PRDM16: variants seen among roughly 807,000 people sequenced by gnomAD.
The protein encoded by PRDM16 is histone-lysine N-methyltransferase PRDM16.
PRDM16 carries 23 observed loss-of-function variants against 110.6 expected under a neutral mutation model. The ratio of observed to expected loss-of-function variants is 0.21; its 90% CI spans 0.15 to 0.29. PRDM16 has a LOEUF of 0.29. PRDM16 is among the 10% of genes least tolerant of loss of function. The pLI, the probability that PRDM16 is intolerant of heterozygous loss-of-function variation, is 1.00. For missense variants in PRDM16, 1,615 were observed against 1,794.3 expected (o/e 0.90, Z 1.81); for synonymous variants, 799 against 781.8 (o/e 1.02, Z -0.37).
At position 3,081,819 on chromosome 1, in the gene PRDM16, C is replaced by T. The variant is rs1355011002; in HGVS notation, c.37+12523C>T. On this transcript the variant is annotated intron_variant, in intron 1 of 16. Coordinates refer to ENST00000270722, the MANE Select transcript of PRDM16 (RefSeq NM_022114.4). This position sits in a 1 kb window ranked among gnomAD's most constrained non-coding sequence, Gnocchi z 4.6. The stretch of plus-strand genomic sequence containing the variant: ...GCAGCAGGGCAGCAAGGGAGACCAC[C>T]TCCTTGCTGCCCTGACTAAACACCA... Among the ~76,000 whole-genome samples, 3 of 152,026 alleles carry T rather than the reference C, an allele frequency of 2.0e-5. No individual in the cohort carries two copies. Among genetic ancestry groups the T allele is most frequent in the African/African-American group, 4.8e-5 (2 of 41,416 alleles).
At chr1:3,314,762 C>T (rs974159223) in intron 3 of PRDM16, among the ~76,000 whole-genome samples, 1 of 152,094 alleles carries the variant, frequency 6.6e-6, no homozygotes, top group Non-Finnish European at 1.5e-5. Context: ...TCAGTTGCTT[C>T]GTTTTTTGCA....
At chr1:3,144,940 C>T (rs968286969) in intron 1 of PRDM16, among the ~76,000 whole-genome samples, 1 of 152,164 alleles carries the variant, frequency 6.6e-6, no homozygotes, top group Non-Finnish European at 1.5e-5. Flanking sequence ...CCCAGTGAAC[C>T]CCCAGGGCCT....
chr1:3,361,481 G>A (rs528713179), intron 3 of PRDM16, among the ~76,000 whole-genome samples: 3 of 152,364 alleles, frequency 2.0e-5, no homozygotes, highest in African/African-American at 7.2e-5. Context: ...GAAAGGAAAA[G>A]GCTACAAAGA....
Position 3,358,062 on chromosome 1 carries a change from G to T in PRDM16, c.439-27090G>T, listed in dbSNP as rs1219026174. ...TTGACCACTGAAGGAGGCTGCCCTGGCTAACGGCGGTGCCCAGTGGCCTGG... is the reference window on the plus strand; with the variant it reads ...TTGACCACTGAAGGAGGCTGCCCTGTCTAACGGCGGTGCCCAGTGGCCTGG... On this transcript the variant is annotated intron_variant, in intron 3 of 16. Coordinates refer to ENST00000270722, the MANE Select transcript of PRDM16 (RefSeq NM_022114.4). The surrounding 1 kb of genome is among the most constrained non-coding windows in gnomAD (Gnocchi z 4.0). Among the ~76,000 whole-genome samples, 4 of 152,248 alleles carry T rather than the reference G, an allele frequency of 2.6e-5. No homozygotes were observed. Among genetic ancestry groups the T allele is most frequent in the East Asian group, 1.9e-4 (1 of 5,192 alleles).
chr1:3,199,743 C>T (rs980672135), intron 2 of PRDM16, among the ~76,000 whole-genome samples: 19 of 152,334 alleles, frequency 1.2e-4, no homozygotes, highest in Middle Eastern at 3.4e-3. Flanking sequence ...CAGCTGCACT[C>T]GAGCCCCAAG....
At chr1:3,340,410 G>A (rs923540476) in intron 3 of PRDM16, among the ~76,000 whole-genome samples, 1 of 152,206 alleles carries the variant, frequency 6.6e-6, no homozygotes, top group African/African-American at 2.4e-5. Context: ...CAGAGGTGCT[G>A]CAAAACGCCA....
At chr1:3,336,446 G>A (rs904827375) in intron 3 of PRDM16, among the ~76,000 whole-genome samples, 1 of 152,138 alleles carries the variant, frequency 6.6e-6, no homozygotes, top group Non-Finnish European at 1.5e-5. Flanking sequence ...GCACATGTGT[G>A]TTGGAGTGAG....
chr1:3,317,223 G>C (rs548532662), intron 3 of PRDM16, among the ~76,000 whole-genome samples: 114 of 152,274 alleles, frequency 7.5e-4, no homozygotes, highest in Non-Finnish European at 1.3e-3. Flanking sequence ...AGGGATGTTT[G>C]CATCTTTGCT....
At chr1:3,399,268 G>A (rs12737284) in intron 5 of PRDM16, among the ~76,000 whole-genome samples, 45,641 of 152,164 alleles carry the variant, frequency 0.3, 7,327 homozygotes, top group Non-Finnish European at 0.35. Context: ...AGGACAGAGC[G>A]CATGAGCCAG....
chr1:3,215,903 T>C lies in PRDM16; in HGVS notation c.388-28184T>C, dbSNP rs548982130. 2.0e-5 allele frequency among the ~76,000 whole-genome samples: 3 copies of C among 152,096 alleles called. No homozygotes were observed. In the East Asian group the frequency reaches 5.8e-4, roughly 29 times the overall value. On this transcript the variant is annotated intron_variant, in intron 2 of 16. Coordinates refer to ENST00000270722, the MANE Select transcript of PRDM16 (RefSeq NM_022114.4). Reference sequence around the variant, plus strand: ...CCATTGTTCCCGGGGCCGATTCAGATGGCAAGAAAACAGCCTATGCAGCAC... The same window carrying C: ...CCATTGTTCCCGGGGCCGATTCAGACGGCAAGAAAACAGCCTATGCAGCAC...
chr1:3,259,948 C>G (rs952655226), intron 3 of PRDM16, among the ~76,000 whole-genome samples: 11 of 152,136 alleles, frequency 7.2e-5, no homozygotes, highest in Admixed American at 6.5e-5. Context: ...CTGTGGCCCT[C>G]AAACTCTCCC....
chr1:3,308,661 C>T (rs1641369466), intron 3 of PRDM16: 1 of 152,280 alleles, frequency 6.6e-6, no homozygotes, highest in Non-Finnish European at 1.5e-5. Flanking sequence ...GCTTGCAAGC[C>T]TCCAGCCTGA....
At chr1:3,256,836 G>T (rs570231363) in intron 3 of PRDM16, among the ~76,000 whole-genome samples, 1 of 151,306 alleles carries the variant, frequency 6.6e-6, no homozygotes, top group Non-Finnish European at 1.5e-5. Flanking sequence ...CAGCCTGGGC[G>T]ACAGAGTGCG....
intron 1 of PRDM16, among the ~76,000 whole-genome samples, chr1:3,139,262 G>A (rs957473967): frequency 1.3e-5 from 2 of 152,308 alleles, no homozygotes; most frequent in Admixed American, 1.3e-4. Context: ...AACACGGCAC[G>A]CAGAGATTCT....
chr1:3,428,626 G>A (rs1638684895), intron 14 of PRDM16, among the ~76,000 whole-genome samples: 1 of 152,340 alleles, frequency 6.6e-6, no homozygotes, highest in African/African-American at 2.4e-5. Context: ...GCCAGTCCCT[G>A]GGGTGGCGGG....
chr1:3,347,555 G>T (rs914403660), intron 3 of PRDM16, among the ~76,000 whole-genome samples: 1 of 152,242 alleles, frequency 6.6e-6, no homozygotes, highest in African/African-American at 2.4e-5. Context: ...AGGCAGTCAG[G>T]GGGTGGGGGT....
chr1:3,169,427 AG>A (rs1569747231), intron 1 of PRDM16, among the ~76,000 whole-genome samples: 1 of 152,070 alleles, frequency 6.6e-6, no homozygotes, highest in Admixed American at 6.5e-5. Context: ...GATACCACAC[AG>A]GGGTGGGAGT....
At chr1:3,235,700 A>G (rs1435511114) in intron 2 of PRDM16, among the ~76,000 whole-genome samples, 7 of 152,014 alleles carry the variant, frequency 4.6e-5, no homozygotes, top group African/African-American at 1.4e-4. Context: ...TCCGCCTGAC[A>G]TGGGGGAAAG....
intron 1 of PRDM16, among the ~76,000 whole-genome samples, chr1:3,138,780 C>T (rs899128174): frequency 2.6e-5 from 4 of 152,164 alleles, no homozygotes; most frequent in Non-Finnish European, 4.4e-5. Context: ...CGTTGGTCAT[C>T]GTGTGAGGAG....
Sources: allele counts gnomAD v4.1 joint callset (sites outside exome capture counted in the v4.1 genomes callset), GRCh38; gene constraint gnomAD v4.1.1; non-coding constraint Gnocchi (gnomAD v3.1); transcripts MANE v1.5; gene names NCBI Gene and HGNC (gene_info 2026-07-23, HGNC 2026-07-21).